ECE1: variants seen among roughly 807,000 people sequenced by gnomAD.
ECE1 encodes the protein endothelin-converting enzyme 1.
In ECE1, 35 loss-of-function variants were observed where a neutral mutation model predicts 98.6. The ratio of observed to expected loss-of-function variants is 0.35; its 90% CI spans 0.27 to 0.47. The LOEUF is 0.47. Ranked by LOEUF, ECE1 falls within the 20% of genes least tolerant of loss-of-function variation. ECE1 has a pLI of 1.00. For missense variants in ECE1, 814 were observed against 1,025.3 expected (o/e 0.79, Z 2.81); for synonymous variants, 394 against 407.1 (o/e 0.97, Z 0.39).
intron 1 of ECE1, among the ~76,000 whole-genome samples, chr1:21,334,466 C>T (rs991873085): frequency 3.9e-5 from 6 of 152,254 alleles, no homozygotes; most frequent in African/African-American, 1.2e-4. Context: ...CCAGCGTGGC[C>T]GTGTGAACAG....
At chr1:21,286,181 C>T (rs1396379479) in intron 2 of ECE1, among the ~76,000 whole-genome samples, 2 of 152,186 alleles carry the variant, frequency 1.3e-5, no homozygotes, top group Non-Finnish European at 2.9e-5. Flanking sequence ...TCAGTTCAGG[C>T]TGCAGGTGTA....
intron 12 of ECE1, 131 bp from the exon 13 acceptor site, chr1:21,236,058 T>C (rs1360249320): frequency 7.1e-6 from 6 of 847,512 alleles, no homozygotes; most frequent in Non-Finnish European, 1.2e-5. Flanking sequence ...TGGGCTTTCA[T>C]GTCTTTTTCT....
intron 1 of ECE1, among the ~76,000 whole-genome samples, chr1:21,331,174 G>T (rs1259024905): frequency 4.6e-5 from 7 of 152,200 alleles, no homozygotes; most frequent in African/African-American, 1.7e-4. Context: ...AGGCCGAGGC[G>T]GGTGGATCAC....
chr1:21,301,815 G>A (rs564512480), intron 1 of ECE1, among the ~76,000 whole-genome samples: 2 of 113,096 alleles, frequency 1.8e-5, no homozygotes, highest in East Asian at 3.0e-4. Context: ...GACAGAGTGA[G>A]ACCCTGTCTC....
chr1:21,317,491 G>A (rs539275715), intron 1 of ECE1, among the ~76,000 whole-genome samples: 1 of 152,232 alleles, frequency 6.6e-6, no homozygotes, highest in African/African-American at 2.4e-5. Flanking sequence ...ACGCTGAGCT[G>A]GTGACGCATC....
chr1:21,321,020 C>A (rs1638951588), intron 1 of ECE1, among the ~76,000 whole-genome samples: 1 of 152,210 alleles, frequency 6.6e-6, no homozygotes, highest in Non-Finnish European at 1.5e-5. Context: ...ATGCCAGGCA[C>A]CGCGCAGATA....
chr1:21,227,130 G>T, intron 16 of ECE1, 29 bp downstream of exon 16: 2 of 1,611,002 alleles, frequency 1.2e-6, no homozygotes, highest in South Asian at 1.1e-5. Context: ...TTACAGGCAT[G>T]AGCCATCGTG....
chr1:21,314,124 G>A (rs932139468), intron 1 of ECE1, among the ~76,000 whole-genome samples: 6 of 152,234 alleles, frequency 3.9e-5, no homozygotes, highest in African/African-American at 9.6e-5. Flanking sequence ...GCAACCCCAC[G>A]TGAAAGATGT....
At chr1:21,300,385 A>C (rs1168295342) in intron 1 of ECE1, among the ~76,000 whole-genome samples, 1 of 152,196 alleles carries the variant, frequency 6.6e-6, no homozygotes, top group Non-Finnish European at 1.5e-5. Flanking sequence ...TCCTAAGGAC[A>C]AAATTGCATC....
At chr1:21,343,806 C>G (rs147925266) in intron 1 of ECE1, among the ~76,000 whole-genome samples, 79 of 152,248 alleles carry the variant, frequency 5.2e-4, no homozygotes, top group Non-Finnish European at 9.7e-4. Flanking sequence ...GTGAGGGGAC[C>G]TCTTTCTTTT....
Position 21,272,870 on chromosome 1 carries a change from T to C in ECE1, c.322A>G (p.Thr108Ala). Residue 108 changes from threonine to alanine, a missense_variant, in exon 4 of 19, where the codon ACC becomes GCC. By Grantham distance (58) the Thr-to-Ala change is moderately conservative. Coordinates refer to ENST00000374893, the MANE Select transcript of ECE1 (RefSeq NM_001397.3). ...VCLSEACVSV[T>A]SSILSSMDPT... is the part of the protein sequence containing the mutation. ...TCCATGGAGCTCAAGATGGAGCTGG[T>C]CACTGAGACACAAGCTTCGCTCAGG... 6.2e-7 allele frequency: 1 copy of C among 1,614,198 alleles called. No homozygotes were observed.
chr1:21,270,651 G>A (rs1248403465), intron 4 of ECE1, among the ~76,000 whole-genome samples: 1 of 152,192 alleles, frequency 6.6e-6, no homozygotes, highest in Non-Finnish European at 1.5e-5. Flanking sequence ...AAGGTCAAGG[G>A]TGAATAACAG....
intron 17 of ECE1, chr1:21,222,189 T>C (rs1283245073): frequency 8.8e-5 from 27 of 308,080 alleles, no homozygotes; most frequent in Middle Eastern, 1.1e-3. Context: ...CACACACACA[T>C]ACACACAACT....
upstream of ECE1, among the ~76,000 whole-genome samples, chr1:21,292,327 A>C (rs2098267337): frequency 1.4e-5 from 2 of 147,270 alleles, no homozygotes; most frequent in African/African-American, 2.5e-5. Context: ...TCCTCACACA[A>C]CTCCTCAGTT....
Position 21,260,129 on chromosome 1 carries a change from T to G in ECE1, c.615+142A>C. 7.7e-7 allele frequency: 1 copy of G among 1,307,038 alleles called. No homozygotes were observed. The highest frequency in any genetic ancestry group is 1.1e-6 in the Non-Finnish European group (1 of 913,588). The allele number at this position is 1,307,038 out of a possible 1,614,324, so 81.0% of individuals were successfully genotyped here. On this transcript the variant is annotated intron_variant, in intron 5 of 18. Coordinates refer to ENST00000374893, the MANE Select transcript of ECE1 (RefSeq NM_001397.3). This position sits in a 1 kb window ranked among gnomAD's most constrained non-coding sequence, Gnocchi z 4.3. ...CTCACATGTGCTCTCGCACACTCGCTCTCTCTCTTTCTGTCTTTCTCTTGG... is the reference window on the plus strand; with the variant it reads ...CTCACATGTGCTCTCGCACACTCGCGCTCTCTCTTTCTGTCTTTCTCTTGG...
chr1:21,337,233 C>A (rs188377890), intron 1 of ECE1, among the ~76,000 whole-genome samples: 40 of 152,312 alleles, frequency 2.6e-4, no homozygotes, highest in Admixed American at 5.9e-4. Flanking sequence ...CCACCCAATG[C>A]GGCACGACTC....
At chr1:21,228,085 G>A (rs2098176778) in intron 14 of ECE1, 44 bp from the exon 15 acceptor site, 2 of 1,492,222 alleles carry the variant, frequency 1.3e-6, no homozygotes, top group South Asian at 2.4e-5. Flanking sequence ...CAGGGCGGGA[G>A]GCAGGTGGGG....
intron 4 of ECE1, among the ~76,000 whole-genome samples, chr1:21,268,022 T>C (rs1031072150): frequency 4.6e-5 from 7 of 152,208 alleles, no homozygotes; most frequent in Admixed American, 1.3e-4. Context: ...TGAGCACGCA[T>C]TGATTTTTTT....
intron 3 of ECE1, among the ~76,000 whole-genome samples, chr1:21,277,402 G>C (rs1030948279): frequency 2.2e-4 from 34 of 152,240 alleles, no homozygotes; most frequent in Admixed American, 1.8e-3. Flanking sequence ...ACTGGCTGCC[G>C]GAGTCTGGCC....
Sources: allele counts gnomAD v4.1 joint callset (sites outside exome capture counted in the v4.1 genomes callset), GRCh38; gene constraint gnomAD v4.1.1; non-coding constraint Gnocchi (gnomAD v3.1); transcripts MANE v1.5; gene names NCBI Gene and HGNC (gene_info 2026-07-23, HGNC 2026-07-21).